USP40: variants seen among roughly 807,000 people sequenced by gnomAD.
USP40 encodes ubiquitin specific peptidase 40, also known as ubiquitin carboxyl-terminal hydrolase 40.
USP40 carries 143 observed loss-of-function variants against 166.2 expected under a neutral mutation model. That is an observed-to-expected ratio of 0.86 (90% confidence interval 0.75 to 0.99). The LOEUF (loss-of-function observed/expected upper bound fraction) is 0.99, where lower values mean the gene tolerates loss of function less well. USP40 is among the 50% of genes least tolerant of loss of function. The pLI, the probability that USP40 is intolerant of heterozygous loss-of-function variation, is 0.00. For missense variants in USP40, 1,444 were observed against 1,479.7 expected (o/e 0.98, Z 0.40); for synonymous variants, 498 against 524.0 (o/e 0.95, Z 0.68).
At chr2:233,531,463 A>C (rs1454670945) in intron 11 of USP40, among the ~76,000 whole-genome samples, 2 of 152,192 alleles carry the variant, frequency 1.3e-5, no homozygotes, top group African/African-American at 4.8e-5. Context: ...TGTCATTTAC[A>C]TATTCCAATT....
At chr2:233,488,018 T>C (rs2065059592) in intron 28 of USP40, 3 of 693,446 alleles carry the variant, frequency 4.3e-6, no homozygotes, top group African/African-American at 1.8e-5. Context: ...TGGTGATTAC[T>C]GAAAAATTAA....
intron 21 of USP40, among the ~76,000 whole-genome samples, chr2:233,507,820 T>C: frequency 6.6e-6 from 1 of 152,054 alleles, no homozygotes; most frequent in East Asian, 1.9e-4. Context: ...TATTAAAAAA[T>C]AGTTAGAAAA....
chr2:233,525,345 A>G (rs1053377248), intron 14 of USP40, 133 bp downstream of exon 14: 13 of 529,796 alleles, frequency 2.5e-5, no homozygotes, highest in African/African-American at 1.5e-4. Flanking sequence ...GAAAACTTAC[A>G]GTGTGAAGAT....
chr2:233,550,572 T>C (rs2070458299), intron 7 of USP40, among the ~76,000 whole-genome samples: 1 of 151,930 alleles, frequency 6.6e-6, no homozygotes, highest in Non-Finnish European at 1.5e-5. Flanking sequence ...ATCCCGAATT[T>C]AAGAATGTTT....
At chr2:233,558,001 CAAA>C (rs71058563) in intron 4 of USP40, among the ~76,000 whole-genome samples, 2 of 51,354 alleles carry the variant, frequency 3.9e-5, no homozygotes, top group African/African-American at 8.3e-5. Context: ...GACCTCATCT[CAAA>C]AAAAAAAAAA....
In USP40 at chr2:233,553,379, C is replaced by T. The variant is rs114195622; in HGVS notation, c.693+1001G>A. On this transcript the variant is annotated intron_variant, in intron 6 of 31. Coordinates refer to ENST00000678225, the MANE Select transcript of USP40 (RefSeq NM_001365479.2). ...CACAAAACATTTTTTAAAAATCTGT[C>T]CTCCAAAAAGAGTTATTCAGATGTC... 1.5e-3 allele frequency among the ~76,000 whole-genome samples: 231 copies of T among 152,194 alleles called. 1 individual carries two copies. Among genetic ancestry groups the T allele is most frequent in the Middle Eastern group, 6.8e-3 (2 of 294 alleles).
At chr2:233,530,205 G>GACACACACACACACAC (rs71058561) in intron 11 of USP40, among the ~76,000 whole-genome samples, 127 of 149,374 alleles carry the variant, frequency 8.5e-4, no homozygotes, top group African/African-American at 2.9e-3. Context: ...TCACTCCCAA[G>GACACACACACACACAC]ACACACACAC....
chr2:233,566,589 A>C lies in USP40; in HGVS notation c.-20+95T>G, dbSNP rs112852283. 4.8e-3 allele frequency: 3,365 copies of C among 707,170 alleles called. 78 individuals are homozygous for C. In the East Asian group the frequency reaches 0.084, roughly 18 times the overall value. The allele number at this position is 707,170 out of a possible 1,614,324, so 43.8% of individuals were successfully genotyped here. A position where few individuals can be genotyped will look rare whatever the true frequency, so the allele number is the denominator to read the frequency against. ...GCCGCGTCCTCAGGCAGGCCTGGGC[A>C]GCCTCTCGCCTCGCCCTCCTCAGAC... On this transcript the variant is annotated intron_variant, in intron 1 of 31. Transcript: ENST00000678225.
In USP40 at chr2:233,481,050, G is replaced by A. The variant is rs185998924; in HGVS notation, c.3599+153C>T. On this transcript the variant is annotated intron_variant, in intron 31 of 31. Transcript: ENST00000678225. ...GAGGCACTCAAGGAGAGGAAAGAAC[G>A]CAGGGGGCGGAGAAGGACCCGCCAC... Among the ~76,000 whole-genome samples the A allele has an allele frequency of 3.1e-4, 47 of 152,292 alleles. No homozygotes were observed. The East Asian group carries it at 7.3e-3, about 24-fold the overall frequency.
Position 233,499,930 on chromosome 2 carries a change from A to C in USP40, c.2614-15T>G. ...AACTTTAAACACTGTAAAGAAAAAC[A>C]ATGTCCAATGTTAGTTTTCTGTTTC... On this transcript the variant is annotated splice_polypyrimidine_tract_variant and intron_variant, in intron 21 of 31. Transcript: ENST00000678225. 1 of 1,610,022 alleles carries C rather than the reference A, an allele frequency of 6.2e-7. No homozygotes were observed. The highest frequency in any genetic ancestry group is 8.5e-7 in the Non-Finnish European group (1 of 1,177,958).
At chr2:233,565,636 C>T in intron 1 of USP40, 63 bp from the exon 2 acceptor site, 2 of 1,356,774 alleles carry the variant, frequency 1.5e-6, no homozygotes, top group East Asian at 5.0e-5. Flanking sequence ...AATCCCCCTA[C>T]CTTACACTTG....
chr2:233,475,583 T>A lies in USP40; in HGVS notation c.*1809A>T, dbSNP rs2064145705. The A allele has an allele frequency of 6.6e-6, 1 of 151,746 alleles. No individual in the cohort carries two copies. The highest frequency in any genetic ancestry group is 2.1e-4 in the South Asian group (1 of 4,810). The allele number at this position is 151,746 out of a possible 1,614,324, so 9.4% of individuals were successfully genotyped here. On this transcript the variant is annotated 3_prime_UTR_variant, in exon 32 of 32. Coordinates refer to ENST00000678225, the MANE Select transcript of USP40 (RefSeq NM_001365479.2). The stretch of plus-strand genomic sequence containing the variant: ...TAACAAAATCGTACAGCTTTCTCAA[T>A]CCCCAAATTAAAAAAACAGAAAACA...
At chr2:233,543,040 A>G (rs1428149753) in intron 8 of USP40, among the ~76,000 whole-genome samples, 1 of 152,230 alleles carries the variant, frequency 6.6e-6, no homozygotes, top group Non-Finnish European at 1.5e-5. Flanking sequence ...TTTGCAGGCC[A>G]GGCTCAGATT....
At chr2:233,492,609 C>T (rs2065419997) in intron 25 of USP40, 1 of 152,112 alleles carries the variant, frequency 6.6e-6, no homozygotes, top group Admixed American at 6.6e-5. Context: ...ATAGCTCATT[C>T]AACATTACTC....
chr2:233,508,852 A>G (rs1299637274), intron 21 of USP40, among the ~76,000 whole-genome samples: 2 of 152,152 alleles, frequency 1.3e-5, no homozygotes, highest in Non-Finnish European at 2.9e-5. Flanking sequence ...GAACTCACAG[A>G]TTTACAGATT....
At chr2:233,554,968 T>C (rs1454261124) in intron 5 of USP40, among the ~76,000 whole-genome samples, 1 of 152,056 alleles carries the variant, frequency 6.6e-6, no homozygotes, top group African/African-American at 2.4e-5. Flanking sequence ...ACTAAAGAAG[T>C]TATAAGAAAA....
intron 21 of USP40, among the ~76,000 whole-genome samples, chr2:233,501,445 T>C (rs914967117): frequency 6.6e-6 from 1 of 152,202 alleles, no homozygotes; most frequent in Admixed American, 6.5e-5. Context: ...TAATCTCTCT[T>C]ACATTTTAAA....
chr2:233,555,697 G>T (rs191022852), intron 5 of USP40, among the ~76,000 whole-genome samples: 255 of 148,426 alleles, frequency 1.7e-3, no homozygotes, highest in African/African-American at 6.2e-3. Context: ...GCACAGTGGC[G>T]CAATCTCAGG....
intron 30 of USP40, among the ~76,000 whole-genome samples, chr2:233,482,845 A>C (rs2064712154): frequency 6.6e-6 from 1 of 152,136 alleles, no homozygotes; most frequent in South Asian, 2.1e-4. Flanking sequence ...TGTGTGTGGG[A>C]GTTCCCACGG....
Sources: gnomAD v4.1 joint callset for allele counts (sites outside exome capture counted in the v4.1 genomes callset) on GRCh38, gnomAD v4.1.1 for gene constraint, MANE v1.5 for transcripts, NCBI Gene and HGNC (gene_info 2026-07-23, HGNC 2026-07-21) for gene names.